Variants in EPHB1 observed in about 807,000 individuals in gnomAD.
EPHB1 encodes the protein ephrin type-B receptor 1.
A neutral mutation model predicts 94.4 loss-of-function variants in EPHB1; 30 were observed. The ratio of observed to expected loss-of-function variants is 0.32; its 90% CI spans 0.24 to 0.43. The LOEUF (loss-of-function observed/expected upper bound fraction) is 0.43, where lower values mean the gene tolerates loss of function less well. Among genes scored for constraint, EPHB1 ranks in the 20% least tolerant of loss-of-function variants. The pLI, the probability that EPHB1 is intolerant of heterozygous loss-of-function variation, is 1.00. For missense variants in EPHB1, 1,055 were observed against 1,308.3 expected (o/e 0.81, Z 2.99); for synonymous variants, 522 against 489.1 (o/e 1.07, Z -0.89).
At chr3:135,148,653 C>T (rs1941093213) in intron 5 of EPHB1, among the ~76,000 whole-genome samples, 1 of 152,242 alleles carries the variant, frequency 6.6e-6, no homozygotes. Context: ...AATTTATTCA[C>T]ATCTCCTTTG....
intron 3 of EPHB1, among the ~76,000 whole-genome samples, chr3:135,051,841 A>C (rs1047528527): frequency 1.3e-5 from 2 of 152,188 alleles, no homozygotes; most frequent in African/African-American, 4.8e-5. Context: ...TCACTCCTCA[A>C]ATCACCTTAG....
chr3:135,099,820 T>C lies in EPHB1; in HGVS notation c.806-6628T>C, dbSNP rs144254279. ...TAGCAGCTTCTGAGAGAGGCTTTTC[T>C]GCCTCTCTTACAGAATGAGAACAAA... On this transcript the variant is annotated intron_variant, in intron 3 of 15. Coordinates refer to ENST00000398015, the MANE Select transcript of EPHB1 (RefSeq NM_004441.5). 8.9e-3 allele frequency among the ~76,000 whole-genome samples: 1,354 copies of C among 152,328 alleles called. 17 individuals carry two copies. The highest frequency in any genetic ancestry group is 0.031 in the African/African-American group (1,301 of 41,568).
At chr3:134,907,409 T>C (rs1005526026) in intron 1 of EPHB1, among the ~76,000 whole-genome samples, 5 of 152,228 alleles carry the variant, frequency 3.3e-5, no homozygotes, top group South Asian at 2.1e-4. Context: ...CCAAAGTGCT[T>C]GGTGAAACAT....
At chr3:135,032,656 G>A (rs1402213491) in intron 3 of EPHB1, among the ~76,000 whole-genome samples, 1 of 152,122 alleles carries the variant, frequency 6.6e-6, no homozygotes, top group African/African-American at 2.4e-5. Context: ...TGCCATTGTT[G>A]GGTGGTGAGA....
intron 3 of EPHB1, among the ~76,000 whole-genome samples, chr3:135,049,105 G>A (rs551430712): frequency 3.3e-5 from 5 of 152,206 alleles, no homozygotes; most frequent in Admixed American, 6.5e-5. Context: ...CTTCTTCCCC[G>A]CCACTGGGCT....
chr3:134,989,497 G>GCACACA (rs61202894), intron 3 of EPHB1, among the ~76,000 whole-genome samples: 2,617 of 149,928 alleles, frequency 0.017, 35 homozygotes, highest in African/African-American at 0.029. Context: ...ACGCGCGCGT[G>GCACACA]CACACACACA....
chr3:134,985,030 C>T (rs954985702), intron 3 of EPHB1, among the ~76,000 whole-genome samples: 10 of 152,106 alleles, frequency 6.6e-5, no homozygotes, highest in Admixed American at 1.3e-4. Flanking sequence ...TAAGGTTTTC[C>T]GTTGAGTACT....
At chr3:135,174,691 G>C (rs1941924868) in intron 9 of EPHB1, among the ~76,000 whole-genome samples, 1 of 152,192 alleles carries the variant, frequency 6.6e-6, no homozygotes, top group South Asian at 2.1e-4. Context: ...TCAACATACT[G>C]AGGCAGAAGA....
intron 3 of EPHB1, among the ~76,000 whole-genome samples, chr3:135,034,467 G>A (rs965119502): frequency 6.6e-6 from 1 of 152,238 alleles, no homozygotes; most frequent in Non-Finnish European, 1.5e-5. Flanking sequence ...GAGGGCTGCA[G>A]GCTCTTGACT....
At chr3:134,927,168 C>T (rs1029213984) in intron 2 of EPHB1, among the ~76,000 whole-genome samples, 6 of 152,220 alleles carry the variant, frequency 3.9e-5, no homozygotes, top group African/African-American at 1.4e-4. Context: ...CATGAAGGAT[C>T]TCCAGCATAG....
chr3:135,082,921 G>A (rs1471280101), intron 3 of EPHB1, among the ~76,000 whole-genome samples: 2 of 152,156 alleles, frequency 1.3e-5, no homozygotes, highest in Non-Finnish European at 2.9e-5. Flanking sequence ...CCCAGCATGG[G>A]ACGTTCTGTA....
chr3:134,882,872 G>C lies in EPHB1; in HGVS notation c.59-42944G>C, dbSNP rs138939209. Among the ~76,000 whole-genome samples the C allele has an allele frequency of 1.9e-4, 27 of 139,234 alleles. No homozygotes were observed. The East Asian group carries it at 5.0e-3, about 26-fold the overall frequency. 91.3% of individuals were successfully genotyped at this position (139,234 alleles called of 152,430 possible). ...TCTCTCTTGACTGTCACCCAGGCTA[G>C]AGTGCAGTGGCATGATCTCAGCTCA... is the stretch of plus-strand genomic sequence containing the variant. On this transcript the variant is annotated intron_variant, in intron 1 of 15. Transcript: ENST00000398015.
chr3:135,136,705 T>C (rs2107688788), intron 5 of EPHB1, among the ~76,000 whole-genome samples: 1 of 152,314 alleles, frequency 6.6e-6, no homozygotes, highest in African/African-American at 2.4e-5. Context: ...CACATTATAG[T>C]GGACTGTGTA....
chr3:135,201,350 G>A, intron 11 of EPHB1, 124 bp from the exon 12 acceptor site: 2 of 877,190 alleles, frequency 2.3e-6, no homozygotes, highest in Non-Finnish European at 3.7e-6. Context: ...AAGAGAGGAG[G>A]ACACAGTGAG....
intron 1 of EPHB1, among the ~76,000 whole-genome samples, chr3:134,909,537 G>A (rs1323308094): frequency 6.6e-6 from 1 of 152,218 alleles, no homozygotes; most frequent in Non-Finnish European, 1.5e-5. Flanking sequence ...CATTTGGATA[G>A]CAGGCAGTGC....
intron 2 of EPHB1, among the ~76,000 whole-genome samples, chr3:134,942,962 C>T (rs535218148): frequency 2.6e-5 from 4 of 152,220 alleles, no homozygotes; most frequent in South Asian, 4.1e-4. Flanking sequence ...TGCTAAATTG[C>T]GTGGAATAAA....
At chr3:135,134,478 T>C (rs2107688099) in intron 5 of EPHB1, among the ~76,000 whole-genome samples, 1 of 152,280 alleles carries the variant, frequency 6.6e-6, no homozygotes, top group African/African-American at 2.4e-5. Context: ...GTGTTGCTGC[T>C]GTGTGTGGGT....
At chr3:135,125,933 A>T (rs1940175381) in intron 4 of EPHB1, among the ~76,000 whole-genome samples, 1 of 152,078 alleles carries the variant, frequency 6.6e-6, no homozygotes, top group South Asian at 2.1e-4. Flanking sequence ...AGACCCTTTT[A>T]CCTTCTCCAG....
intron 12 of EPHB1, among the ~76,000 whole-genome samples, chr3:135,222,215 A>G (rs1444094072): frequency 6.6e-6 from 1 of 152,222 alleles, no homozygotes; most frequent in African/African-American, 2.4e-5. Flanking sequence ...ATTGGATCAT[A>G]ATAAATATGT....
Sources: allele counts gnomAD v4.1 joint callset (sites outside exome capture counted in the v4.1 genomes callset), GRCh38; gene constraint gnomAD v4.1.1; transcripts MANE v1.5; gene names NCBI Gene and HGNC (gene_info 2026-07-23, HGNC 2026-07-21).